Variants in CACNA1C observed in about 807,000 individuals in gnomAD.
CACNA1C encodes voltage-dependent L-type calcium channel subunit alpha-1C.
Under a neutral mutation model 229.0 loss-of-function variants are expected in CACNA1C, and 30 were observed. That is an observed-to-expected ratio of 0.13 (90% CI 0.10 to 0.18). The LOEUF is 0.18. Ranked by LOEUF, CACNA1C falls within the 10% of genes least tolerant of loss-of-function variation. CACNA1C has a pLI of 1.00. For synonymous variants in CACNA1C, 1,114 were observed against 1,132.5 expected, an observed-to-expected ratio of 0.98 and a Z score of 0.33; for missense variants, 1,658 against 2,845.0, an observed-to-expected ratio of 0.58 and a Z score of 9.49.
intron 4 of CACNA1C, among the ~76,000 whole-genome samples, chr12:2,453,171 C>G (rs112108975): frequency 6.6e-6 from 1 of 152,260 alleles, no homozygotes; most frequent in African/African-American, 2.4e-5. Flanking sequence ...GGAGCCAGAA[C>G]GCCAGTCACG....
At chr12:2,379,135 A>G (rs994876895) in intron 3 of CACNA1C, among the ~76,000 whole-genome samples, 3 of 152,186 alleles carry the variant, frequency 2.0e-5, no homozygotes, top group Admixed American at 6.5e-5. Context: ...TCTCTTGGCA[A>G]TGTCCCTTTG....
intron 1 of CACNA1C, among the ~76,000 whole-genome samples, chr12:2,008,693 T>C (rs1169315874): frequency 3.3e-5 from 5 of 152,180 alleles, no homozygotes; most frequent in Non-Finnish European, 7.4e-5. Flanking sequence ...CTAAGGGAGA[T>C]AGAAAAACAT....
intron 1 of CACNA1C, among the ~76,000 whole-genome samples, chr12:2,070,908 T>TCTCCTTCCTTC (rs1201780324): frequency 2.0e-5 from 3 of 147,630 alleles, no homozygotes; most frequent in Non-Finnish European, 4.5e-5. Flanking sequence ...TCCTTTTCTC[T>TCTCCTTCCTTC]CTCCTTCCTT....
intron 15 of CACNA1C, among the ~76,000 whole-genome samples, chr12:2,583,146 C>T (rs899688288): frequency 6.6e-6 from 1 of 152,228 alleles, no homozygotes; most frequent in Admixed American, 6.5e-5. Flanking sequence ...ACCCTCCGGG[C>T]CCGCAGCGGC....
At chr12:2,559,372 A>G (rs1256185265) in intron 11 of CACNA1C, among the ~76,000 whole-genome samples, 1 of 152,246 alleles carries the variant, frequency 6.6e-6, no homozygotes, top group Non-Finnish European at 1.5e-5. Context: ...CACTCTGGGA[A>G]CATTATTTTC....
intron 10 of CACNA1C, chr12:2,550,542 A>G (rs954314940): frequency 2.2e-6 from 3 of 1,351,232 alleles, no homozygotes; most frequent in Non-Finnish European, 2.0e-6. Context: ...TCATCCTGCC[A>G]GTAAGGGAAG....
At chr12:2,007,440 A>C (rs1393032010) in intron 1 of CACNA1C, among the ~76,000 whole-genome samples, 1 of 152,246 alleles carries the variant, frequency 6.6e-6, no homozygotes, top group African/African-American at 2.4e-5. Context: ...GATCTGTATG[A>C]CTACAATTGC....
At chr12:2,246,487 G>A (rs1420342532) in intron 3 of CACNA1C, among the ~76,000 whole-genome samples, 3 of 152,112 alleles carry the variant, frequency 2.0e-5, no homozygotes, top group Non-Finnish European at 4.4e-5. Flanking sequence ...CTGAGTAATA[G>A]CAGCTAACAC....
chr12:2,283,347 C>A (rs1410711221), intron 3 of CACNA1C, among the ~76,000 whole-genome samples: 1 of 152,150 alleles, frequency 6.6e-6, no homozygotes, highest in Non-Finnish European at 1.5e-5. Context: ...GGTAGCAAAC[C>A]AATATCAGTC....
chr12:2,642,816 C>T (rs1033081251), intron 30 of CACNA1C, among the ~76,000 whole-genome samples: 7 of 152,180 alleles, frequency 4.6e-5, no homozygotes, highest in Non-Finnish European at 7.3e-5. Context: ...AATGACTAGA[C>T]GCTGGGCTGT....
intron 3 of CACNA1C, among the ~76,000 whole-genome samples, chr12:2,165,051 A>G (rs1165628632): frequency 1.3e-5 from 2 of 152,234 alleles, no homozygotes; most frequent in Non-Finnish European, 2.9e-5. Context: ...AGTTCTAATA[A>G]GAACACTAGC....
At chr12:2,143,021 G>A (rs1443947713) in intron 3 of CACNA1C, among the ~76,000 whole-genome samples, 1 of 150,786 alleles carries the variant, frequency 6.6e-6, no homozygotes. Context: ...TGTTGCCCAG[G>A]CTGGAGTGCA....
intron 3 of CACNA1C, among the ~76,000 whole-genome samples, chr12:2,420,737 G>C (rs371267052): frequency 6.8e-4 from 104 of 152,322 alleles, no homozygotes; most frequent in African/African-American, 2.5e-3. Flanking sequence ...GCAGAGCCGG[G>C]ACCTGGGTAG....
In CACNA1C at chr12:2,581,665, C is replaced by G. The variant is rs1042793753; in HGVS notation, c.1971C>G (p.Leu657=). The G allele has an allele frequency of 5.6e-6, 9 of 1,609,142 alleles. No homozygotes were observed. The highest frequency in any genetic ancestry group is 2.2e-5 in the South Asian group (2 of 89,786). The change falls in exon 14 of 47, where the codon CTC becomes CTG. Residue 657 remains leucine, a synonymous_variant. Transcript: ENST00000399655. The part of the protein sequence containing the change: ...SVRSIASLLL[L]LFLFIIIFSL... The stretch of plus-strand genomic sequence containing the variant: ...GCTCCATCGCCTCCCTGCTCCTTCT[C>G]CTCTTCCTCTTCATCATCATCTTCT...
In CACNA1C at chr12:2,518,607, C is replaced by CAAAAAAAAAAAAA. The variant is rs749239155; in HGVS notation, c.1390+5628_1390+5640dup. On this transcript the variant is annotated intron_variant, in intron 9 of 46. Coordinates refer to ENST00000399655, the MANE Select transcript of CACNA1C (RefSeq NM_000719.7). ...TGGGCGACAGAGCCAGACGCTGTCTCAAAAAAAAAAAAAAAAATCAGTACG... is the reference window on the plus strand; with the variant it reads ...TGGGCGACAGAGCCAGACGCTGTCTCAAAAAAAAAAAAAAAAAAAAAAAAAAAAAATCAGTACG... Among the ~76,000 whole-genome samples, 6 of 102,930 alleles carry CAAAAAAAAAAAAA rather than the reference C, an allele frequency of 5.8e-5. No individual in the cohort carries two copies. In the East Asian group the frequency reaches 8.8e-4, roughly 15 times the overall value. 67.5% of individuals were successfully genotyped at this position (102,930 alleles called of 152,430 possible).
chr12:2,310,892 GA>G (rs2154484303), intron 3 of CACNA1C, among the ~76,000 whole-genome samples: 1 of 152,336 alleles, frequency 6.6e-6, no homozygotes, highest in African/African-American at 2.4e-5. Context: ...GGAGGGAGTT[GA>G]GGGGTAGAAA....
In CACNA1C at chr12:2,647,194, A is replaced by G. The variant is rs947060238; in HGVS notation, c.3913-1281A>G. Among the ~76,000 whole-genome samples the G allele has an allele frequency of 5.3e-5, 8 of 152,238 alleles. No homozygotes were observed. Among genetic ancestry groups the G allele is most frequent in the Admixed American group, 1.3e-4 (2 of 15,294 alleles). ...GTTTGTACCTTAAAAACAGAAATAC[A>G]AGAGCAACCATCTGAAAGTGGAGAG... On this transcript the variant is annotated intron_variant, in intron 30 of 46. Transcript: ENST00000399655. The surrounding 1 kb of genome is among the most constrained non-coding windows in gnomAD (Gnocchi z 4.2).
intron 30 of CACNA1C, among the ~76,000 whole-genome samples, chr12:2,635,205 G>T (rs1258210733): frequency 6.6e-6 from 1 of 152,028 alleles, no homozygotes; most frequent in Non-Finnish European, 1.5e-5. Context: ...TGGCTCCCGA[G>T]CCTCAGACAG....
intron 3 of CACNA1C, among the ~76,000 whole-genome samples, chr12:2,397,229 T>A (rs2098600027): frequency 6.6e-6 from 1 of 152,252 alleles, no homozygotes; most frequent in African/African-American, 2.4e-5. Context: ...TGGAGTGTTA[T>A]CCATCAAGAA....
Sources: allele counts gnomAD v4.1 joint callset (sites outside exome capture counted in the v4.1 genomes callset), GRCh38; gene constraint gnomAD v4.1.1; non-coding constraint Gnocchi (gnomAD v3.1); transcripts MANE v1.5; gene names NCBI Gene and HGNC (gene_info 2026-07-23, HGNC 2026-07-21).